FNDC3A: variants seen among roughly 807,000 people sequenced by gnomAD.
FNDC3A encodes the protein fibronectin type-III domain-containing protein 3A.
A neutral mutation model predicts 148.9 loss-of-function variants in FNDC3A; 32 were observed. The observed-to-expected ratio is 0.21, with a 90% CI of 0.16 to 0.29. The LOEUF (loss-of-function observed/expected upper bound fraction) is 0.29. Among genes scored for constraint, FNDC3A ranks in the 10% least tolerant of loss-of-function variants. FNDC3A has a pLI of 1.00. For missense variants in FNDC3A, 1,191 were observed against 1,452.8 expected (o/e 0.82, Z 2.93); for synonymous variants, 472 against 473.6 (o/e 1.00, Z 0.04).
chr13:49,022,332 T>G (rs181014436), intron 2 of FNDC3A, among the ~76,000 whole-genome samples: 105 of 152,308 alleles, frequency 6.9e-4, no homozygotes, highest in African/African-American at 2.3e-3. Flanking sequence ...GCTCTACATG[T>G]TTGTTTCTGA....
intron 7 of FNDC3A, 141 bp from the exon 8 acceptor site, chr13:49,145,636 TG>T: frequency 1.5e-6 from 1 of 649,278 alleles, no homozygotes; most frequent in Non-Finnish European, 2.6e-6. Context: ...TTATTTGCAA[TG>T]GGCAGGTTTA....
chr13:49,061,318 T>TCTTCTCTTCCCTTCC lies in FNDC3A; in HGVS notation c.100-13967_100-13966insTCTTCCCTTCCCTTC, dbSNP rs1566222179. 1.9e-4 allele frequency among the ~76,000 whole-genome samples: 19 copies of TCTTCTCTTCCCTTCC among 99,958 alleles called. 2 individuals are homozygous for TCTTCTCTTCCCTTCC. Among genetic ancestry groups the TCTTCTCTTCCCTTCC allele is most frequent in the East Asian group, 1.0e-3 (3 of 2,922 alleles). 65.6% of individuals were successfully genotyped at this position (99,958 alleles called of 152,430 possible). On this transcript the variant is annotated intron_variant, in intron 2 of 25. Coordinates refer to ENST00000492622, the MANE Select transcript of FNDC3A (RefSeq NM_001079673.2). ...TCCATTTTCCATTTTCCCTCTCTTC[T>TCTTCTCTTCCCTTCC]CTTCCCTTCCCTTCCCTTCCCTTCC...
chr13:49,017,229 G>A (rs1486948590), intron 2 of FNDC3A, among the ~76,000 whole-genome samples: 1 of 152,044 alleles, frequency 6.6e-6, no homozygotes, highest in African/African-American at 2.4e-5. Context: ...ATTAATGTGT[G>A]GGAGTCTAAG....
intron 2 of FNDC3A, among the ~76,000 whole-genome samples, chr13:49,012,258 C>T (rs1175127827): frequency 1.3e-5 from 2 of 151,968 alleles, no homozygotes; most frequent in African/African-American, 2.4e-5. Flanking sequence ...GGACTACAGG[C>T]GCCTGCCACC....
intron 3 of FNDC3A, among the ~76,000 whole-genome samples, chr13:49,108,624 TTAAA>T: frequency 6.6e-6 from 1 of 152,184 alleles, no homozygotes; most frequent in East Asian, 1.9e-4. Context: ...AGATGATAAG[TTAAA>T]TAGTCAAGAA....
At chr13:49,144,687 CAT>C (rs1476398992) in intron 7 of FNDC3A, among the ~76,000 whole-genome samples, 9 of 152,018 alleles carry the variant, frequency 5.9e-5, no homozygotes, top group Non-Finnish European at 1.3e-4. Context: ...ATATATAAAA[CAT>C]AATTGAAACC....
intron 8 of FNDC3A, among the ~76,000 whole-genome samples, chr13:49,154,033 T>C (rs1198230007): frequency 1.8e-5 from 2 of 111,600 alleles, no homozygotes; most frequent in Non-Finnish European, 3.6e-5. Context: ...AACTTTAAAG[T>C]AGTTTTTTCC....
chr13:49,199,328 ATT>A (rs35601446), intron 23 of FNDC3A, among the ~76,000 whole-genome samples: 108 of 133,092 alleles, frequency 8.1e-4, no homozygotes, highest in African/African-American at 1.6e-3. Flanking sequence ...GACCGAAACA[ATT>A]TTTTTTTTTT....
intron 2 of FNDC3A, among the ~76,000 whole-genome samples, chr13:49,059,142 C>G (rs949836824): frequency 6.6e-6 from 1 of 152,178 alleles, no homozygotes; most frequent in Non-Finnish European, 1.5e-5. Context: ...AATGATGATG[C>G]TAGGACAACT....
rs764104712 is a variant in FNDC3A at position 49,174,421 on chromosome 13, G to A, written c.1231-14G>A. 5.6e-6 allele frequency: 9 copies of A among 1,603,632 alleles called. 1 individual carries two copies. The highest frequency in any genetic ancestry group is 7.7e-6 in the Non-Finnish European group (9 of 1,171,178). On this transcript the variant is annotated splice_polypyrimidine_tract_variant and intron_variant, in intron 11 of 25. Coordinates refer to ENST00000492622, the MANE Select transcript of FNDC3A (RefSeq NM_001079673.2). Reference sequence around the variant, plus strand: ...TAATGTACATGGTATATAATAATCAGCCATTTCTTGTAGGGAAAAGGAAAT... The same window carrying A: ...TAATGTACATGGTATATAATAATCAACCATTTCTTGTAGGGAAAAGGAAAT...
chr13:49,030,943 C>T (rs1185873588), intron 2 of FNDC3A, among the ~76,000 whole-genome samples: 1 of 152,124 alleles, frequency 6.6e-6, no homozygotes, highest in Non-Finnish European at 1.5e-5. Context: ...TATACATATC[C>T]AATACGTTGC....
intron 11 of FNDC3A, among the ~76,000 whole-genome samples, chr13:49,173,783 A>G (rs1230126023): frequency 6.6e-6 from 1 of 152,174 alleles, no homozygotes; most frequent in Non-Finnish European, 1.5e-5. Context: ...CACCCTAACT[A>G]CCATTTTATC....
intron 14 of FNDC3A, among the ~76,000 whole-genome samples, chr13:49,184,952 A>G (rs1885490565): frequency 7.2e-6 from 1 of 138,682 alleles, no homozygotes; most frequent in Non-Finnish European, 1.6e-5. Context: ...CATAAGGGGG[A>G]GGGGGGTGGG....
rs745550384 is a variant in FNDC3A at position 49,136,606 on chromosome 13, CTGTT to C, written c.760+8_760+11del. 4.3e-6 allele frequency: 7 copies of C among 1,610,916 alleles called. No individual in the cohort carries two copies. In the East Asian group the frequency reaches 1.1e-4, roughly 26 times the overall value. ...AAGTTGATACAGAAATTGAAGGTAACTGTTTGAAGTACTGAACTGTTCTCATTGA... is the reference window on the plus strand; with the variant it reads ...AAGTTGATACAGAAATTGAAGGTAACTGAAGTACTGAACTGTTCTCATTGA... On this transcript the variant is annotated splice_donor_region_variant and intron_variant, in intron 6 of 25. Transcript: ENST00000492622.
chr13:49,016,603 C>G (rs1353597331), intron 2 of FNDC3A, among the ~76,000 whole-genome samples: 1 of 152,010 alleles, frequency 6.6e-6, no homozygotes, highest in Non-Finnish European at 1.5e-5. Context: ...CTATTTCCTT[C>G]AGTTCTGCTC....
At chr13:49,097,449 CCTT>C (rs1879604085) in intron 3 of FNDC3A, among the ~76,000 whole-genome samples, 1 of 151,864 alleles carries the variant, frequency 6.6e-6, no homozygotes, top group African/African-American at 2.4e-5. Flanking sequence ...GGGAAAAGGC[CCTT>C]GGCATGTTTT....
intron 1 of FNDC3A, among the ~76,000 whole-genome samples, chr13:48,977,178 G>A (rs1209675059): frequency 6.6e-6 from 1 of 151,994 alleles, no homozygotes; most frequent in African/African-American, 2.4e-5. Context: ...AGGCTGATGA[G>A]ATTTTTTTTT....
chr13:48,993,208 A>C (rs1160884491), intron 1 of FNDC3A, among the ~76,000 whole-genome samples: 1 of 152,158 alleles, frequency 6.6e-6, no homozygotes, highest in Non-Finnish European at 1.5e-5. Context: ...TCAACTTTAC[A>C]TCCTTATTAT....
intron 3 of FNDC3A, among the ~76,000 whole-genome samples, chr13:49,093,455 A>G (rs1474333101): frequency 6.6e-6 from 1 of 152,152 alleles, no homozygotes; most frequent in African/African-American, 2.4e-5. Context: ...AGTGTTGTAA[A>G]CACTCTACAT....
Sources: gnomAD v4.1 joint callset for allele counts (sites outside exome capture counted in the v4.1 genomes callset) on GRCh38, gnomAD v4.1.1 for gene constraint, MANE v1.5 for transcripts, NCBI Gene and HGNC (gene_info 2026-07-23, HGNC 2026-07-21) for gene names.